SLCO4A1: variants seen among roughly 807,000 people sequenced by gnomAD.
SLCO4A1 encodes solute carrier organic anion transporter family member 4A1, also known as colon organic anion transporter.
A neutral mutation model predicts 64.6 loss-of-function variants in SLCO4A1; 51 were observed. The observed-to-expected ratio is 0.79, with a 90% confidence interval of 0.63 to 1.00. The LOEUF (loss-of-function observed/expected upper bound fraction) is 1.00, where lower values mean the gene tolerates loss of function less well. Among genes scored for constraint, SLCO4A1 ranks in the 50% least tolerant of loss-of-function variants. SLCO4A1 has a pLI of 0.00. For synonymous variants in SLCO4A1, 471 were observed against 444.9 expected (o/e 1.06, Z -0.74); for missense variants, 919 against 980.5 (o/e 0.94, Z 0.84).
chr20:62,642,875 G>A (rs1980628188), intron 1 of SLCO4A1: 2 of 349,792 alleles, frequency 5.7e-6, no homozygotes, highest in African/African-American at 2.3e-5. Flanking sequence ...CAGGGGCTGC[G>A]GCCCTGGCAG....
chr20:62,673,864 G>A (rs530294843), downstream of SLCO4A1, among the ~76,000 whole-genome samples: 2 of 152,346 alleles, frequency 1.3e-5, no homozygotes, highest in East Asian at 1.9e-4. Context: ...CATAGTCAAC[G>A]TGTGCTGCGA....
rs761587137 is a variant in SLCO4A1, at chr20:62,665,090, T to A, written c.1276+2T>A. 2 of 1,601,722 alleles carry A rather than the reference T, an allele frequency of 1.2e-6. No homozygotes were observed. Among genetic ancestry groups the A allele is most frequent in the East Asian group, 4.5e-5 (2 of 44,758 alleles). The stretch of plus-strand genomic sequence containing the variant: ...CCTCAGAAGCTGCCACCTTGTTTGG[T>A]GAGAAAACTGAATCTTGGGGGTCCT... On this transcript the variant is annotated splice_donor_variant, in intron 6 of 11. Transcript: ENST00000217159. LOFTEE classifies it high-confidence loss of function.
Position 62,661,041 on chromosome 20 carries a change from C to CCCCCCCCCCCCCCAACCAA in SLCO4A1, c.1010-23_1010-22insCCCCCCCCCCCCCAACCAA. ...TCCGGGAGCCCCCAGCCCCCAGCCC[C>CCCCCCCCCCCCCCAACCAA]AGCTCACTCTGTGCCCTTCCAGGCT... is the stretch of plus-strand genomic sequence containing the variant. On this transcript the variant is annotated intron_variant, in intron 4 of 11. Coordinates refer to ENST00000217159, the MANE Select transcript of SLCO4A1 (RefSeq NM_016354.4). This position sits in a 1 kb window ranked among gnomAD's most constrained non-coding sequence, Gnocchi z 5.2. The CCCCCCCCCCCCCCAACCAA allele has an allele frequency of 7.0e-7, 1 of 1,424,142 alleles. No individual in the cohort carries two copies. 88.2% of individuals were successfully genotyped at this position (1,424,142 alleles called of 1,614,324 possible).
intron 10 of SLCO4A1, 110 bp from the exon 11 acceptor site, chr20:62,668,820 G>A (rs1035498670): frequency 8.6e-6 from 10 of 1,161,476 alleles, no homozygotes; most frequent in African/African-American, 7.7e-5. Flanking sequence ...GAACTCCAAC[G>A]GCCAGTATCA....
chr20:62,676,334 C>A (rs751268330), downstream of SLCO4A1, among the ~76,000 whole-genome samples: 1 of 152,104 alleles, frequency 6.6e-6, no homozygotes, highest in Admixed American at 6.5e-5. Flanking sequence ...GTGGGAGGAT[C>A]GCCTAAGCCT....
chr20:62,690,146 C>T (rs868688853), downstream of SLCO4A1, among the ~76,000 whole-genome samples: 1 of 152,232 alleles, frequency 6.6e-6, no homozygotes, highest in African/African-American at 2.4e-5. Flanking sequence ...CCCCCTCCCT[C>T]GCATCGGCCA....
chr20:62,660,013 A>G (rs1362534824), intron 3 of SLCO4A1, among the ~76,000 whole-genome samples: 1 of 152,228 alleles, frequency 6.6e-6, no homozygotes, highest in Non-Finnish European at 1.5e-5. Context: ...AGTGAGCTCC[A>G]GCTGAGCCCT....
chr20:62,652,010 A>ACTCCCCCTGCCCCCGC (rs1982599174), intron 1 of SLCO4A1: 1 of 140,108 alleles, frequency 7.1e-6, no homozygotes, highest in Non-Finnish European at 1.5e-5. Context: ...AATCCGACCC[A>ACTCCCCCTGCCCCCGC]CTCCCCCTGC....
intron 1 of SLCO4A1, chr20:62,649,606 G>A (rs1019256663): frequency 6.6e-6 from 1 of 152,462 alleles, no homozygotes; most frequent in Non-Finnish European, 1.5e-5. Context: ...GACTCGACCT[G>A]GGATGCTGAC....
downstream of SLCO4A1, among the ~76,000 whole-genome samples, chr20:62,673,353 C>T (rs1265054661): frequency 7.0e-6 from 1 of 143,326 alleles, no homozygotes; most frequent in African/African-American, 2.5e-5. Flanking sequence ...CACCAGGTCC[C>T]ACCTTTGCCA....
At position 62,656,425 on chromosome 20, in the gene SLCO4A1, G is replaced by T; in HGVS notation, c.-30G>T. 6.9e-7 allele frequency: 1 copy of T among 1,452,148 alleles called. No homozygotes were observed. The highest frequency in any genetic ancestry group is 9.1e-7 in the Non-Finnish European group (1 of 1,102,332). 90.0% of individuals were successfully genotyped at this position (1,452,148 alleles called of 1,614,324 possible). A position where few individuals can be genotyped will look rare whatever the true frequency, so the allele number is the denominator to read the frequency against. Reference sequence around the variant, plus strand: ...AGGCCACTCCCACTGCGTGGCTGAAGCCTCGAGGTCACCAGGCGGAGGCGC... The same window carrying T: ...AGGCCACTCCCACTGCGTGGCTGAATCCTCGAGGTCACCAGGCGGAGGCGC... On this transcript the variant is annotated 5_prime_UTR_variant, in exon 2 of 12. Transcript: ENST00000217159.
Position 62,644,059 on chromosome 20 carries a change from CAGGCCGGAGA to C in SLCO4A1, c.-97+1507_-97+1516del, listed in dbSNP as rs1980877249. 6.6e-6 allele frequency among the ~76,000 whole-genome samples: 1 copy of C among 152,212 alleles called. No homozygotes were observed. The highest frequency in any genetic ancestry group is 6.5e-5 in the Admixed American group (1 of 15,286). ...AAGAGGCAAAAGGCGACTGCAGGGT[CAGGCCGGAGA>C]CCCAGAACAGCGTCCCAAGAGCTGG... On this transcript the variant is annotated intron_variant, in intron 1 of 11. Transcript: ENST00000217159. This position sits in a 1 kb window ranked among gnomAD's most constrained non-coding sequence, Gnocchi z 5.4.
chr20:62,671,664 C>G, intron 11 of SLCO4A1, 86 bp from the exon 12 acceptor site: 1 of 1,285,922 alleles, frequency 7.8e-7, no homozygotes, highest in South Asian at 1.4e-5. Flanking sequence ...CAGGCTGGGG[C>G]AGGGACAGGA....
At chr20:62,656,176 GCTGGGAGACACAGTGC>G (rs1206536118) in intron 1 of SLCO4A1, among the ~76,000 whole-genome samples, 167 bp from the exon 2 acceptor site, 1 of 152,232 alleles carries the variant, frequency 6.6e-6, no homozygotes, top group Non-Finnish European at 1.5e-5. Context: ...CGGAGCTGTG[GCTGGGAGACACAGTGC>G]CTGGGTGTGG....
At chr20:62,666,244 G>A (rs1045823316) in intron 6 of SLCO4A1, 136 bp from the exon 7 acceptor site, 8 of 687,456 alleles carry the variant, frequency 1.2e-5, no homozygotes, top group Admixed American at 2.6e-5. Flanking sequence ...GTGGTGTTGA[G>A]TGCTGCCATG....
At chr20:62,680,615 C>T (rs539774694) in intron 2 of SLCO4A1, among the ~76,000 whole-genome samples, 6 of 150,900 alleles carry the variant, frequency 4.0e-5, no homozygotes, top group Non-Finnish European at 7.4e-5. Flanking sequence ...CTTTGATGGC[C>T]GTTTCTGAGT....
chr20:62,682,491 G>A (rs930304580), intron 2 of SLCO4A1, among the ~76,000 whole-genome samples: 2 of 152,238 alleles, frequency 1.3e-5, no homozygotes, highest in South Asian at 2.1e-4. Flanking sequence ...GGTGACCGCT[G>A]AGGGGACAGA....
Position 62,656,733 on chromosome 20 carries a change from GC to G in SLCO4A1, c.281del (p.Pro94ArgfsTer25). On this transcript the variant is annotated frameshift_variant, in exon 2 of 12. Transcript: ENST00000217159. LOFTEE classifies it high-confidence loss of function. ...VACGWWAFAPPCLQVLNTPKG... is the reference protein window; with the variant it reads ...VACGWWAFAPXCLQVLNTPKG... The stretch of plus-strand genomic sequence containing the variant: ...CGTGCGGCTGGTGGGCCTTCGCACC[GC>G]CGTGCCTGCAGGTCCTCAACACGCC... 1 of 1,611,540 alleles carries G rather than the reference GC, an allele frequency of 6.2e-7. No homozygotes were observed. Among genetic ancestry groups the G allele is most frequent in the Non-Finnish European group, 8.5e-7 (1 of 1,179,360 alleles).
chr20:62,666,232 G>A, intron 6 of SLCO4A1, 148 bp from the exon 7 acceptor site: 3 of 636,010 alleles, frequency 4.7e-6, no homozygotes, highest in East Asian at 2.8e-5. Flanking sequence ...AAGCACTCAG[G>A]TGTGGTGTTG....
Sources: allele counts gnomAD v4.1 joint callset (sites outside exome capture counted in the v4.1 genomes callset), GRCh38; gene constraint gnomAD v4.1.1; non-coding constraint Gnocchi (gnomAD v3.1); transcripts MANE v1.5; gene names NCBI Gene and HGNC (gene_info 2026-07-23, HGNC 2026-07-21).